CPNE4: variants seen among roughly 807,000 people sequenced by gnomAD.
The protein encoded by CPNE4 is copine-4.
In CPNE4, 25 loss-of-function variants were observed where a neutral mutation model predicts 67.9. The observed-to-expected ratio is 0.37, with a 90% CI of 0.27 to 0.51. CPNE4 has a LOEUF of 0.51. Ranked by LOEUF, CPNE4 falls within the 20% of genes least tolerant of loss-of-function variation. The probability of loss-of-function intolerance (pLI) is 0.93; values close to 1 mark genes in which losing one functional copy is unlikely to be tolerated. For missense variants in CPNE4, 464 were observed against 690.8 expected, an observed-to-expected ratio of 0.67 and a Z score of 3.68; for synonymous variants, 242 against 244.9, an observed-to-expected ratio of 0.99 and a Z score of 0.11.
intron 1 of CPNE4, among the ~76,000 whole-genome samples, chr3:131,907,303 C>A (rs1451346035): frequency 6.6e-6 from 1 of 152,116 alleles, no homozygotes; most frequent in African/African-American, 2.4e-5. Context: ...GCTTCCTCAA[C>A]CTCACATGGC....
intron 1 of CPNE4, among the ~76,000 whole-genome samples, chr3:132,025,402 A>T (rs2074096765): frequency 6.6e-6 from 1 of 152,214 alleles, no homozygotes; most frequent in Non-Finnish European, 1.5e-5. Flanking sequence ...ATCTTAGAGA[A>T]ACTCCAGCAT....
chr3:131,975,127 C>T lies in CPNE4; in HGVS notation c.-2+59440G>A, dbSNP rs189557155. Among the ~76,000 whole-genome samples the T allele has an allele frequency of 2.0e-3, 297 of 152,256 alleles. 1 individual carries two copies. Among genetic ancestry groups the T allele is most frequent in the Admixed American group, 5.1e-3 (78 of 15,298 alleles). The stretch of plus-strand genomic sequence containing the variant: ...TAAAACCGTCATCAAATTGAGATTG[C>T]AGCCTCAGGGGAGTTGGCAAAACCT... On this transcript the variant is annotated intron_variant, in intron 1 of 15. Transcript: ENST00000429747.
chr3:131,563,049 G>A (rs138210600), intron 11 of CPNE4, among the ~76,000 whole-genome samples: 4 of 152,096 alleles, frequency 2.6e-5, no homozygotes, highest in African/African-American at 7.2e-5. Flanking sequence ...CAGGCAGGCA[G>A]GAGATTGACT....
At chr3:131,664,975 G>T (rs2080221807) in intron 7 of CPNE4, among the ~76,000 whole-genome samples, 1 of 152,070 alleles carries the variant, frequency 6.6e-6, no homozygotes, top group African/African-American at 2.4e-5. Context: ...AATATTTAAG[G>T]TATTTAATTG....
intron 1 of CPNE4, among the ~76,000 whole-genome samples, chr3:131,932,659 CT>C (rs763963993): frequency 8.6e-5 from 13 of 151,848 alleles, no homozygotes; most frequent in Non-Finnish European, 1.6e-4. Context: ...TGATAGAACA[CT>C]TCAAGCAGAA....
At chr3:131,647,678 T>C (rs2079699294) in intron 7 of CPNE4, among the ~76,000 whole-genome samples, 1 of 152,188 alleles carries the variant, frequency 6.6e-6, no homozygotes, top group South Asian at 2.1e-4. Context: ...TACTTGATCT[T>C]GAGGCTCTCT....
chr3:132,020,380 A>T (rs889491109), intron 1 of CPNE4, among the ~76,000 whole-genome samples: 4 of 152,288 alleles, frequency 2.6e-5, no homozygotes, highest in Admixed American at 2.6e-4. Context: ...CTTAGCAGAG[A>T]CAGCGTGCCT....
intron 1 of CPNE4, among the ~76,000 whole-genome samples, chr3:131,975,423 G>A (rs746502574): frequency 1.3e-5 from 2 of 152,156 alleles, no homozygotes; most frequent in Non-Finnish European, 2.9e-5. Context: ...TTGGGAATGG[G>A]GAGGATTGGA....
At chr3:131,854,796 CCCTCCT>C (rs1014908960) in intron 2 of CPNE4, among the ~76,000 whole-genome samples, 2 of 151,002 alleles carry the variant, frequency 1.3e-5, no homozygotes, top group African/African-American at 2.4e-5. Flanking sequence ...TTACTCCCCA[CCCTCCT>C]CCTCCTCCTC....
chr3:131,947,451 C>T (rs1475019453), intron 1 of CPNE4, among the ~76,000 whole-genome samples: 1 of 152,042 alleles, frequency 6.6e-6, no homozygotes, highest in Non-Finnish European at 1.5e-5. Flanking sequence ...GTGTTCTCAT[C>T]GTTCAACTCT....
At chr3:131,701,501 CTATCTTA>C (rs1301865485) in intron 3 of CPNE4, among the ~76,000 whole-genome samples, 2 of 152,210 alleles carry the variant, frequency 1.3e-5, no homozygotes, top group East Asian at 1.9e-4. Context: ...TCTCTTATCA[CTATCTTA>C]TATCTTATAT....
At chr3:131,789,993 C>G (rs996537560) in intron 2 of CPNE4, among the ~76,000 whole-genome samples, 13 of 152,080 alleles carry the variant, frequency 8.5e-5, no homozygotes, top group African/African-American at 3.1e-4. Context: ...TCCTTCTAAC[C>G]ACCTCCCCTT....
At chr3:131,802,110 G>T (rs984698601) in intron 2 of CPNE4, among the ~76,000 whole-genome samples, 8 of 152,110 alleles carry the variant, frequency 5.3e-5, no homozygotes, top group Non-Finnish European at 4.4e-5. Context: ...TGAGAATCAG[G>T]TTCTGGTCAC....
chr3:131,582,682 T>A (rs947489420), intron 8 of CPNE4, among the ~76,000 whole-genome samples: 1 of 152,138 alleles, frequency 6.6e-6, no homozygotes, highest in African/African-American at 2.4e-5. Context: ...AAATGTGATA[T>A]AAGCAGAGGC....
At chr3:131,552,064 GAA>G (rs5852631) in intron 13 of CPNE4, among the ~76,000 whole-genome samples, 21,228 of 124,778 alleles carry the variant, frequency 0.17, 2,245 homozygotes, top group African/African-American at 0.34. Flanking sequence ...ATGAAGTTGT[GAA>G]AAAAAAAAAA....
chr3:131,640,004 C>T (rs2107792827), intron 7 of CPNE4, among the ~76,000 whole-genome samples: 1 of 152,104 alleles, frequency 6.6e-6, no homozygotes, highest in South Asian at 2.1e-4. Context: ...AGAAGGGACA[C>T]ATCTTAAGGT....
At chr3:131,923,622 T>C in intron 1 of CPNE4, among the ~76,000 whole-genome samples, 1 of 143,672 alleles carries the variant, frequency 7.0e-6, no homozygotes. Flanking sequence ...GGAGAATCAC[T>C]TGAGCCTGAG....
chr3:132,025,263 T>C (rs1296501269), intron 1 of CPNE4, among the ~76,000 whole-genome samples: 2 of 152,180 alleles, frequency 1.3e-5, no homozygotes, highest in Non-Finnish European at 2.9e-5. Context: ...TCAAATACAA[T>C]AAATTTCTGC....
chr3:131,920,420 A>G (rs930546260), intron 1 of CPNE4, among the ~76,000 whole-genome samples: 1 of 152,056 alleles, frequency 6.6e-6, no homozygotes, highest in African/African-American at 2.4e-5. Context: ...TCTCACACTA[A>G]TTATCACTTA....
Sources: gnomAD v4.1 joint callset for allele counts (sites outside exome capture counted in the v4.1 genomes callset) on GRCh38, gnomAD v4.1.1 for gene constraint, MANE v1.5 for transcripts, NCBI Gene and HGNC (gene_info 2026-07-23, HGNC 2026-07-21) for gene names.